Variants in FSTL5 observed in about 807,000 individuals in gnomAD.
FSTL5 encodes follistatin like 5.
FSTL5 carries 62 observed loss-of-function variants against 89.1 expected under a neutral mutation model. That is an observed-to-expected ratio of 0.70 (90% confidence interval 0.57 to 0.86). The LOEUF (loss-of-function observed/expected upper bound fraction) is 0.86, where lower values mean the gene tolerates loss of function less well. Ranked by LOEUF, FSTL5 falls within the 40% of genes least tolerant of loss-of-function variation. The probability of loss-of-function intolerance (pLI) is 0.00; values close to 1 mark genes in which losing one functional copy is unlikely to be tolerated. For missense variants in FSTL5, 1,057 were observed against 1,001.6 expected, an observed-to-expected ratio of 1.06 and a Z score of -0.75; for synonymous variants, 383 against 346.2, an observed-to-expected ratio of 1.11 and a Z score of -1.18.
intron 7 of FSTL5, among the ~76,000 whole-genome samples, chr4:161,645,655 T>G (rs1289084717): frequency 1.3e-5 from 2 of 152,124 alleles, no homozygotes; most frequent in Non-Finnish European, 2.9e-5. Flanking sequence ...CTACACGACC[T>G]GCGTTAGTTT....
At chr4:162,058,386 T>C (rs535635672) in intron 2 of FSTL5, among the ~76,000 whole-genome samples, 6 of 151,736 alleles carry the variant, frequency 4.0e-5, no homozygotes, top group Non-Finnish European at 1.5e-5. Context: ...GGGAGAATAA[T>C]TCTGATCAAT....
intron 4 of FSTL5, among the ~76,000 whole-genome samples, chr4:161,862,901 T>C (rs1441278915): frequency 6.6e-6 from 1 of 152,168 alleles, no homozygotes; most frequent in African/African-American, 2.4e-5. Context: ...GTAAAAAATA[T>C]ATGTATTGCT....
At chr4:162,137,935 CAT>C (rs1378910164) in intron 1 of FSTL5, among the ~76,000 whole-genome samples, 1 of 151,976 alleles carries the variant, frequency 6.6e-6, no homozygotes, top group African/African-American at 2.4e-5. Flanking sequence ...AAGTGTGAAA[CAT>C]ATGTCAGTGA....
At chr4:162,036,664 A>T (rs545596261) in intron 2 of FSTL5, among the ~76,000 whole-genome samples, 11 of 152,054 alleles carry the variant, frequency 7.2e-5, no homozygotes, top group African/African-American at 2.7e-4. Context: ...GCATAAAAAA[A>T]TTACAGGAGA....
At chr4:161,625,882 TAGA>T (rs1011387345) in intron 7 of FSTL5, among the ~76,000 whole-genome samples, 7 of 152,222 alleles carry the variant, frequency 4.6e-5, no homozygotes, top group East Asian at 1.9e-4. Flanking sequence ...GTGGTCTGGA[TAGA>T]AGATCAAACC....
chr4:161,644,976 G>T (rs1736102948), intron 7 of FSTL5, among the ~76,000 whole-genome samples: 1 of 152,026 alleles, frequency 6.6e-6, no homozygotes, highest in Admixed American at 6.6e-5. Flanking sequence ...AGCCAGACTT[G>T]GTTTTCTAGC....
chr4:162,153,758 AT>A (rs774604222), intron 1 of FSTL5, among the ~76,000 whole-genome samples: 4,948 of 109,788 alleles, frequency 0.045, 521 homozygotes, highest in Admixed American at 0.11. Flanking sequence ...ATACATGTAT[AT>A]ATACATGTAT....
At chr4:161,567,088 T>TTCAG (rs1732843463) in intron 8 of FSTL5, among the ~76,000 whole-genome samples, 1 of 152,106 alleles carries the variant, frequency 6.6e-6, no homozygotes, top group Non-Finnish European at 1.5e-5. Context: ...TCATAACTTG[T>TTCAG]GATCACTGCC....
At chr4:161,980,097 AG>A (rs961576043) in intron 3 of FSTL5, among the ~76,000 whole-genome samples, 4 of 150,958 alleles carry the variant, frequency 2.6e-5, no homozygotes, top group African/African-American at 9.8e-5. Flanking sequence ...AAAAAGAAAA[AG>A]AAAGAGGAAG....
At chr4:161,450,179 T>C (rs1346641728) in intron 15 of FSTL5, among the ~76,000 whole-genome samples, 2 of 152,216 alleles carry the variant, frequency 1.3e-5, no homozygotes, top group Non-Finnish European at 2.9e-5. Flanking sequence ...CTCCTTAGCT[T>C]CTCCTCTTCT....
intron 3 of FSTL5, among the ~76,000 whole-genome samples, chr4:161,957,504 T>C (rs1315606148): frequency 4.6e-5 from 7 of 152,046 alleles, no homozygotes; most frequent in Admixed American, 4.6e-4. Context: ...GAAATCAGGG[T>C]AGAAGAAGAA....
At chr4:162,028,713 G>T (rs988857649) in intron 3 of FSTL5, among the ~76,000 whole-genome samples, 7 of 152,006 alleles carry the variant, frequency 4.6e-5, no homozygotes, top group Admixed American at 1.3e-4. Flanking sequence ...TAAATATAAA[G>T]ACATGCAATA....
intron 4 of FSTL5, among the ~76,000 whole-genome samples, chr4:161,908,570 T>A (rs1050302006): frequency 1.3e-5 from 2 of 152,144 alleles, no homozygotes; most frequent in African/African-American, 2.4e-5. Flanking sequence ...CAGGAAAAAA[T>A]TCATTAAAAA....
At chr4:161,536,295 A>C (rs1731613363) in intron 10 of FSTL5, among the ~76,000 whole-genome samples, 1 of 152,150 alleles carries the variant, frequency 6.6e-6, no homozygotes, top group Non-Finnish European at 1.5e-5. Flanking sequence ...AGCATTCCAA[A>C]ATACAAATGT....
chr4:161,587,324 A>G (rs1733650716), intron 8 of FSTL5, 131 bp downstream of exon 8: 1 of 689,086 alleles, frequency 1.5e-6, no homozygotes, highest in Non-Finnish European at 2.4e-6. Flanking sequence ...AAAAACTTTT[A>G]CATTATCAGT....
At chr4:161,784,389 T>C (rs1035542424) in intron 4 of FSTL5, among the ~76,000 whole-genome samples, 1 of 152,120 alleles carries the variant, frequency 6.6e-6, no homozygotes, top group Non-Finnish European at 1.5e-5. Flanking sequence ...TTATTTTTTA[T>C]AAATTTGACC....
At chr4:162,077,738 A>G (rs182858259) in intron 2 of FSTL5, among the ~76,000 whole-genome samples, 246 of 151,974 alleles carry the variant, frequency 1.6e-3, no homozygotes, top group Non-Finnish European at 2.7e-3. Flanking sequence ...AGCATTCTGG[A>G]TTTATAAGGC....
intron 3 of FSTL5, among the ~76,000 whole-genome samples, chr4:161,939,634 T>C (rs1160245376): frequency 6.6e-6 from 1 of 151,898 alleles, no homozygotes; most frequent in Admixed American, 6.6e-5. Flanking sequence ...TTGATTTTTG[T>C]TACAAAAGGG....
At chr4:161,811,357 A>G (rs1343626798) in intron 4 of FSTL5, among the ~76,000 whole-genome samples, 1 of 152,214 alleles carries the variant, frequency 6.6e-6, no homozygotes, top group Non-Finnish European at 1.5e-5. Context: ...ATTATTTTAT[A>G]GTGATATTTT....
Sources: gnomAD v4.1 joint callset for allele counts (sites outside exome capture counted in the v4.1 genomes callset) on GRCh38, gnomAD v4.1.1 for gene constraint, MANE v1.5 for transcripts, NCBI Gene and HGNC (gene_info 2026-07-23, HGNC 2026-07-21) for gene names.